The following PTPRN2 variants were observed in gnomAD, a reference collection of about 807,000 sequenced individuals.
PTPRN2 encodes the protein receptor-type tyrosine-protein phosphatase N2.
Under a neutral mutation model 118.8 loss-of-function variants are expected in PTPRN2, and 74 were observed. The observed-to-expected ratio is 0.62, with a 90% CI of 0.52 to 0.76. The LOEUF is 0.76. Ranked by LOEUF, PTPRN2 falls within the 30% of genes least tolerant of loss-of-function variation. The pLI is 0.00. For missense variants in PTPRN2, 1,481 were observed against 1,394.4 expected (o/e 1.06, Z -0.99); for synonymous variants, 641 against 608.0 (o/e 1.05, Z -0.80).
rs1800924320 is a variant in PTPRN2 at position 157,590,572 on chromosome 7, A to G, written c.2496+4666T>C. Among the ~76,000 whole-genome samples the G allele has an allele frequency of 6.6e-6, 1 of 152,174 alleles. No individual in the cohort carries two copies. Among genetic ancestry groups the G allele is most frequent in the Admixed American group, 6.5e-5 (1 of 15,282 alleles). On this transcript the variant is annotated intron_variant, in intron 17 of 22. Coordinates refer to ENST00000389418, the MANE Select transcript of PTPRN2 (RefSeq NM_002847.5). The surrounding 1 kb of genome is among the most constrained non-coding windows in gnomAD (Gnocchi z 4.0). The stretch of plus-strand genomic sequence containing the variant: ...AGCACCATGTGTGCAGTGAGTGGTG[A>G]CCCTCCGTGGATTTTCGTGCACGTT...
chr7:158,130,456 C>T (rs975119517), intron 9 of PTPRN2, among the ~76,000 whole-genome samples: 4 of 3,898 alleles, frequency 1.0e-3, no homozygotes, highest in South Asian at 0.04. Context: ...ACACATCTAC[C>T]CAACACACTC....
At chr7:158,541,512 T>G (rs1825981294) in intron 1 of PTPRN2, 2 of 1,351,990 alleles carry the variant, frequency 1.5e-6, no homozygotes, top group Admixed American at 3.8e-5. Context: ...AAACATCACT[T>G]CCACCCTGGG....
chr7:158,020,604 G>A lies in PTPRN2; in HGVS notation c.1723+60694C>T, dbSNP rs1050090047. 2.6e-5 allele frequency among the ~76,000 whole-genome samples: 4 copies of A among 152,300 alleles called. 1 individual carries two copies. In the Middle Eastern group the frequency reaches 0.01, roughly 389 times the overall value. ...TCAGGACAGAAGCAGTCAGGGGCTG[G>A]GGCAGCCTTGCCCACCATGTTGGGG... On this transcript the variant is annotated intron_variant, in intron 11 of 22. Coordinates refer to ENST00000389418, the MANE Select transcript of PTPRN2 (RefSeq NM_002847.5).
chr7:157,892,508 T>C (rs1796866937), intron 12 of PTPRN2, among the ~76,000 whole-genome samples: 1 of 152,204 alleles, frequency 6.6e-6, no homozygotes, highest in South Asian at 2.1e-4. Flanking sequence ...TCCATTTGGC[T>C]TAAAAGGTTT....
chr7:157,633,648 G>A (rs1018083816), intron 14 of PTPRN2, among the ~76,000 whole-genome samples: 9 of 152,292 alleles, frequency 5.9e-5, no homozygotes, highest in Admixed American at 3.3e-4. Context: ...CCGAGTCCCC[G>A]ATGCTAAGGA....
intron 12 of PTPRN2, among the ~76,000 whole-genome samples, chr7:157,687,163 G>A (rs554858980): frequency 6.6e-6 from 1 of 152,216 alleles, no homozygotes; most frequent in Non-Finnish European, 1.5e-5. Context: ...GGAGGTGCAT[G>A]AGGCTTCCAC....
intron 3 of PTPRN2, among the ~76,000 whole-genome samples, chr7:158,224,379 G>C (rs1168048994): frequency 6.6e-6 from 1 of 152,188 alleles, no homozygotes; most frequent in Non-Finnish European, 1.5e-5. Flanking sequence ...AGACTGTGTA[G>C]TACTGATGAA....
At position 157,874,624 on chromosome 7, in the gene PTPRN2, G is replaced by A. The variant is rs934422337; in HGVS notation, c.1788+24049C>T. Among the ~76,000 whole-genome samples the A allele has an allele frequency of 3.3e-5, 5 of 152,202 alleles. No homozygotes were observed. Among genetic ancestry groups the A allele is most frequent in the Non-Finnish European group, 7.3e-5 (5 of 68,042 alleles). ...CAGCTCCCGGGGTCCGGGGAGAAGCGGAGGGGGGCAGAGAAGGCCGTGCCA... is the reference window on the plus strand; with the variant it reads ...CAGCTCCCGGGGTCCGGGGAGAAGCAGAGGGGGGCAGAGAAGGCCGTGCCA... On this transcript the variant is annotated intron_variant, in intron 12 of 22. Coordinates refer to ENST00000389418, the MANE Select transcript of PTPRN2 (RefSeq NM_002847.5). This position sits in a 1 kb window ranked among gnomAD's most constrained non-coding sequence, Gnocchi z 5.8.
chr7:158,536,962 C>T lies in PTPRN2; in HGVS notation c.113-47177G>A, dbSNP rs554726946. Among the ~76,000 whole-genome samples, 222 of 152,296 alleles carry T rather than the reference C, an allele frequency of 1.5e-3. 1 individual carries two copies. The highest frequency in any genetic ancestry group is 2.0e-3 in the Non-Finnish European group (134 of 68,018). The stretch of plus-strand genomic sequence containing the variant: ...TGTGTGAGTCCTCCCAAAACTCCTA[C>T]GTGATGGTGTTAGGAGGGCCCTCTG... On this transcript the variant is annotated intron_variant, in intron 1 of 22. Coordinates refer to ENST00000389418, the MANE Select transcript of PTPRN2 (RefSeq NM_002847.5).
At chr7:158,149,667 G>C (rs928060268) in intron 6 of PTPRN2, among the ~76,000 whole-genome samples, 2 of 152,108 alleles carry the variant, frequency 1.3e-5, no homozygotes, top group Admixed American at 1.3e-4. Context: ...ACCCAGGCGT[G>C]GTGGCGCATG....
At chr7:158,393,754 C>T (rs912113922) in intron 2 of PTPRN2, among the ~76,000 whole-genome samples, 6 of 152,112 alleles carry the variant, frequency 3.9e-5, no homozygotes, top group Admixed American at 1.3e-4. Flanking sequence ...GGAATCATGA[C>T]GTGATTGCAA....
Position 158,166,947 on chromosome 7 carries a change from G to A in PTPRN2, c.894C>T (p.Pro298=). ...CTGGCTCACCATCGCCTGTGCTGGAGGGGTCTTCGGAATCTCCCAGAGGTG... is the reference window on the plus strand; with the variant it reads ...CTGGCTCACCATCGCCTGTGCTGGAAGGGTCTTCGGAATCTCCCAGAGGTG... ...WPSPLGDSED[P]SSTGDGARIH... is the part of the protein sequence containing the mutation. The change falls in exon 6 of 23, where the codon CCC becomes CCT. Residue 298 remains proline, a synonymous_variant. Coordinates refer to ENST00000389418, the MANE Select transcript of PTPRN2 (RefSeq NM_002847.5). 1 of 1,444,752 alleles carries A rather than the reference G, an allele frequency of 6.9e-7. No individual in the cohort carries two copies. Among genetic ancestry groups the A allele is most frequent in the South Asian group, 1.5e-5 (1 of 66,490 alleles). The allele number at this position is 1,444,752 out of a possible 1,614,324, so 89.5% of individuals were successfully genotyped here.
chr7:157,823,675 G>C (rs528389339), intron 12 of PTPRN2, among the ~76,000 whole-genome samples: 1 of 152,312 alleles, frequency 6.6e-6, no homozygotes, highest in East Asian at 1.9e-4. Context: ...TGACAGGCAA[G>C]GACTGGTGAA....
chr7:157,965,517 T>C (rs1178981482), intron 11 of PTPRN2, among the ~76,000 whole-genome samples: 1 of 152,138 alleles, frequency 6.6e-6, no homozygotes, highest in Non-Finnish European at 1.5e-5. Context: ...TAAAAATTTC[T>C]AGGTTTCCAA....
chr7:158,222,609 C>G (rs10215289), intron 3 of PTPRN2, among the ~76,000 whole-genome samples: 2 of 152,008 alleles, frequency 1.3e-5, no homozygotes, highest in Non-Finnish European at 2.9e-5. Flanking sequence ...GGTTGAAAAG[C>G]TATAAGGGAC....
intron 3 of PTPRN2, among the ~76,000 whole-genome samples, chr7:158,244,170 G>A (rs1434912528): frequency 6.6e-6 from 1 of 152,322 alleles, no homozygotes; most frequent in East Asian, 1.9e-4. Context: ...TTCCATGGTG[G>A]TTCCTGCTCA....
intron 3 of PTPRN2, among the ~76,000 whole-genome samples, chr7:158,253,714 A>C (rs1796838262): frequency 2.0e-5 from 3 of 152,238 alleles, no homozygotes. Context: ...CCAGTGCTTT[A>C]AAAATACTCT....
intron 2 of PTPRN2, among the ~76,000 whole-genome samples, chr7:158,415,655 C>G (rs1318081012): frequency 6.6e-6 from 1 of 152,032 alleles, no homozygotes; most frequent in Non-Finnish European, 1.5e-5. Flanking sequence ...GAGGACTTGT[C>G]CCCCCACCCC....
rs1244148704 is a variant in PTPRN2, at chr7:158,171,320, T to C, written c.550-4029A>G. On this transcript the variant is annotated intron_variant, in intron 5 of 22. Coordinates refer to ENST00000389418, the MANE Select transcript of PTPRN2 (RefSeq NM_002847.5). The stretch of plus-strand genomic sequence containing the variant: ...ATATATATACACACATATATATATA[T>C]ATATATATATATATATATATATATA... Among the ~76,000 whole-genome samples, 645 of 93,226 alleles carry C rather than the reference T, an allele frequency of 6.9e-3. 62 individuals are homozygous for C. The highest frequency in any genetic ancestry group is 0.018 in the African/African-American group (371 of 20,514). The allele number at this position is 93,226 out of a possible 152,430, so 61.2% of individuals were successfully genotyped here. A position where few individuals can be genotyped will look rare whatever the true frequency, so the allele number is the denominator to read the frequency against.
Sources: gnomAD v4.1 joint callset for allele counts (sites outside exome capture counted in the v4.1 genomes callset) on GRCh38, gnomAD v4.1.1 for gene constraint, Gnocchi (gnomAD v3.1) non-coding constraint, MANE v1.5 for transcripts, NCBI Gene and HGNC (gene_info 2026-07-23, HGNC 2026-07-21) for gene names.